The following NAV2 variants were observed in gnomAD, a reference collection of about 807,000 sequenced individuals.
The protein encoded by NAV2 is helicase, APC down-regulated 1.
NAV2 carries 54 observed loss-of-function variants against 223.2 expected under a neutral mutation model. The observed-to-expected ratio is 0.24, with a 90% CI of 0.19 to 0.30. NAV2 has a LOEUF of 0.30. Ranked by LOEUF, NAV2 falls within the 10% of genes least tolerant of loss-of-function variation. The pLI, the probability that NAV2 is intolerant of heterozygous loss-of-function variation, is 1.00. For synonymous variants in NAV2, 1,279 were observed against 1,239.3 expected (o/e 1.03, Z -0.67); for missense variants, 2,806 against 3,147.5 (o/e 0.89, Z 2.60).
At chr11:20,018,229 C>T (rs1351933195) in intron 11 of NAV2, among the ~76,000 whole-genome samples, 2 of 151,758 alleles carry the variant, frequency 1.3e-5, no homozygotes, top group East Asian at 3.9e-4. Flanking sequence ...TGGTGCATGC[C>T]TGTAGTCCCA....
chr11:19,989,044 G>A (rs779552863), intron 11 of NAV2, among the ~76,000 whole-genome samples: 5 of 152,184 alleles, frequency 3.3e-5, no homozygotes, highest in Non-Finnish European at 5.9e-5. Context: ...CATAAGAGAA[G>A]CAGCAAAAAC....
Position 20,092,289 on chromosome 11 carries a change from A to C in NAV2, c.5736A>C (p.Gln1912His). The C allele has an allele frequency of 6.2e-7, 1 of 1,614,174 alleles. No individual in the cohort carries two copies. ...GTGGCTGCAGCCGGGCTCCTTCCCA[A>C]GTGTCCATCTCTGCCTCCCCGAGGC... ...QGSGCSRAPS[Q>H]VSISASPRQS... Residue 1912 changes from glutamine (Q) to histidine (H), a missense_variant, in exon 28 of 38, where the codon CAA (glutamine) becomes CAC (histidine). Gln to His is a conservative substitution (Grantham distance 24). Around this residue, in one of 4 missense-constraint regions of NAV2, gnomAD observed 824 missense variants for 1,069.4 expected, o/e 0.77. Coordinates refer to ENST00000349880, the MANE Select transcript of NAV2 (RefSeq NM_145117.5).
chr11:20,001,347 A>G (rs556369359), intron 11 of NAV2, among the ~76,000 whole-genome samples: 19 of 151,360 alleles, frequency 1.3e-4, no homozygotes, highest in African/African-American at 3.4e-4. Flanking sequence ...CTTTTTTCCT[A>G]TTTTCCCTGT....
intron 3 of NAV2, among the ~76,000 whole-genome samples, chr11:19,858,339 C>T (rs866458560): frequency 1.3e-5 from 2 of 152,226 alleles, no homozygotes; most frequent in African/African-American, 4.8e-5. Flanking sequence ...ATTATTTCAC[C>T]TAGCATAATG....
intron 11 of NAV2, among the ~76,000 whole-genome samples, chr11:19,986,211 A>G (rs985744139): frequency 6.6e-6 from 1 of 152,186 alleles, no homozygotes; most frequent in Non-Finnish European, 1.5e-5. Context: ...TGGGGTTGAA[A>G]AGATAGGTAG....
chr11:19,548,056 AG>A (rs2044562485), intron 1 of NAV2, among the ~76,000 whole-genome samples: 2 of 152,206 alleles, frequency 1.3e-5, no homozygotes, highest in Admixed American at 6.5e-5. Context: ...ATTCAGACTC[AG>A]GGGGCCTGAC....
intron 1 of NAV2, among the ~76,000 whole-genome samples, chr11:19,668,725 C>T (rs1590063169): frequency 1.3e-5 from 2 of 151,902 alleles, no homozygotes; most frequent in South Asian, 4.2e-4. Flanking sequence ...GCTGAGCCAC[C>T]TCACCCTGGT....
At chr11:19,873,215 G>C (rs1295073539) in intron 4 of NAV2, among the ~76,000 whole-genome samples, 1 of 152,156 alleles carries the variant, frequency 6.6e-6, no homozygotes, top group Non-Finnish European at 1.5e-5. Flanking sequence ...GTACACCAGT[G>C]ATCAAGCCAG....
intron 2 of NAV2, among the ~76,000 whole-genome samples, chr11:19,834,403 C>CAA (rs2060121201): frequency 1.3e-5 from 2 of 152,202 alleles, no homozygotes; most frequent in Admixed American, 1.3e-4. Flanking sequence ...TATTATATTA[C>CAA]TTTTTACTCC....
chr11:19,915,289 A>G (rs10833190), intron 6 of NAV2, among the ~76,000 whole-genome samples: 28,029 of 152,158 alleles, frequency 0.18, 2,932 homozygotes, highest in East Asian at 0.42. Flanking sequence ...ATTTTCGTAA[A>G]GGGAAAGATG....
chr11:19,860,784 C>T (rs1321982335), intron 3 of NAV2, among the ~76,000 whole-genome samples: 1 of 152,086 alleles, frequency 6.6e-6, no homozygotes, highest in African/African-American at 2.4e-5. Context: ...ATCCCGGCAC[C>T]TCGGGAGGCC....
chr11:19,428,110 A>G (rs768006729), intron 1 of NAV2, among the ~76,000 whole-genome samples: 5 of 152,116 alleles, frequency 3.3e-5, no homozygotes, highest in Non-Finnish European at 7.4e-5. Context: ...TGCTATTATA[A>G]TGGGTTTTAC....
At chr11:19,790,585 A>G (rs1367895469) in intron 1 of NAV2, among the ~76,000 whole-genome samples, 3 of 152,358 alleles carry the variant, frequency 2.0e-5, no homozygotes, top group East Asian at 3.9e-4. Flanking sequence ...TGTGTGACCC[A>G]GGACAAGTTA....
At chr11:19,554,946 A>T (rs1256875372) in intron 1 of NAV2, among the ~76,000 whole-genome samples, 2 of 152,070 alleles carry the variant, frequency 1.3e-5, no homozygotes, top group South Asian at 4.2e-4. Context: ...AAACTCCGAA[A>T]AAAAAAATTA....
chr11:19,380,773 G>A (rs1320376898), intron 1 of NAV2, among the ~76,000 whole-genome samples: 1 of 152,184 alleles, frequency 6.6e-6, no homozygotes, highest in East Asian at 1.9e-4. Flanking sequence ...TTTGCAAAAT[G>A]CCCAAGCTCT....
chr11:19,911,374 G>A (rs377071814), intron 6 of NAV2, among the ~76,000 whole-genome samples: 32 of 152,284 alleles, frequency 2.1e-4, no homozygotes, highest in Admixed American at 6.5e-5. Context: ...ACAGAACAGC[G>A]TGTCCAAAGT....
At chr11:19,756,787 G>A (rs1031115338) in intron 1 of NAV2, among the ~76,000 whole-genome samples, 12 of 152,304 alleles carry the variant, frequency 7.9e-5, no homozygotes, top group South Asian at 2.1e-4. Flanking sequence ...TGATCAGGGC[G>A]CCAGTTTCTT....
intron 30 of NAV2, among the ~76,000 whole-genome samples, chr11:20,097,167 G>T (rs576743572): frequency 1.3e-4 from 20 of 152,228 alleles, no homozygotes; most frequent in African/African-American, 4.6e-4. Context: ...TATGATCTTT[G>T]AGCCAAAAGA....
intron 6 of NAV2, among the ~76,000 whole-genome samples, chr11:19,931,480 G>C (rs1246284539): frequency 6.6e-6 from 1 of 152,028 alleles, no homozygotes. Flanking sequence ...CGGTGCTCAC[G>C]CCCCACACAG....
Sources: gnomAD v4.1 joint callset for allele counts (sites outside exome capture counted in the v4.1 genomes callset) on GRCh38, gnomAD v4.1.1 for gene constraint, gnomAD v4.1.1 regional missense constraint, MANE v1.5 for transcripts, NCBI Gene and HGNC (gene_info 2026-07-23, HGNC 2026-07-21) for gene names.